The following LRP1 variants were observed in gnomAD, a reference collection of about 807,000 sequenced individuals.
LRP1 encodes the protein prolow-density lipoprotein receptor-related protein 1.
A neutral mutation model predicts 541.5 loss-of-function variants in LRP1; 51 were observed. The ratio of observed to expected loss-of-function variants is 0.09; its 90% CI spans 0.08 to 0.12. The LOEUF (loss-of-function observed/expected upper bound fraction) is 0.12. Ranked by LOEUF, LRP1 falls within the 10% of genes least tolerant of loss-of-function variation. LRP1 has a pLI of 1.00. For missense variants in LRP1, 3,878 were observed against 6,376.2 expected, an observed-to-expected ratio of 0.61 and a Z score of 13.34; for synonymous variants, 2,219 against 2,470.8, an observed-to-expected ratio of 0.90 and a Z score of 3.02.
At chr12:57,150,390 A>G (rs2035504797) in intron 6 of LRP1, among the ~76,000 whole-genome samples, 1 of 151,968 alleles carries the variant, frequency 6.6e-6, no homozygotes. Flanking sequence ...ACAGAGTTTT[A>G]CCATGTTAGC....
At position 57,202,543 on chromosome 12, in the gene LRP1, T is replaced by TGGGGGGGC; in HGVS notation, c.10711+6_10711+7insGGGGGGGC. On this transcript the variant is annotated splice_region_variant and intron_variant, in intron 68 of 88. Transcript: ENST00000243077. ...CTCCGATGAAGAGAGCTGCAGTACG[T>TGGGGGGGC]CCCCACCCACCCAGCCCCGCATGAG... 3.9e-6 allele frequency: 6 copies of TGGGGGGGC among 1,523,598 alleles called. No homozygotes were observed. The highest frequency in any genetic ancestry group is 5.3e-6 in the Non-Finnish European group (6 of 1,124,778). 94.4% of individuals were successfully genotyped at this position (1,523,598 alleles called of 1,614,324 possible). A position where few individuals can be genotyped will look rare whatever the true frequency, so the allele number is the denominator to read the frequency against.
In LRP1 at chr12:57,180,741, G is replaced by A. The variant is rs759012805; in HGVS notation, c.5461G>A (p.Val1821Met). Residue 1821 changes from valine to methionine, a missense_variant, in exon 33 of 89, where the codon GTG (valine) becomes ATG (methionine). Transcript: ENST00000243077. Reference protein sequence around the residue: ...TCSKADGSGSVVLRNSTTLVM... With the variant: ...TCSKADGSGSMVLRNSTTLVM... ...CAGCAAGGCTGACGGCTCGGGCTCC[G>A]TGGTCCTTCGGAACAGCACCACCCT... 18 of 1,613,948 alleles carry A rather than the reference G, an allele frequency of 1.1e-5. No individual in the cohort carries two copies. Among genetic ancestry groups the A allele is most frequent in the South Asian group, 5.5e-5 (5 of 91,092 alleles).
rs558649900 is a variant in LRP1 at position 57,211,245 on chromosome 12, G to A, written c.12986G>A (p.Arg4329His). 8 of 1,614,186 alleles carry A rather than the reference G, an allele frequency of 5.0e-6. No individual in the cohort carries two copies. The highest frequency in any genetic ancestry group is 2.2e-5 in the East Asian group (1 of 44,886). The change falls in exon 84 of 89, where the codon CGC (arginine) becomes CAC (histidine). Residue 4329 changes from arginine to histidine, a missense_variant. This residue lies in a region of LRP1 where 871 missense variants were observed against 1,212.4 expected (regional missense o/e 0.72). Coordinates refer to ENST00000243077, the MANE Select transcript of LRP1 (RefSeq NM_002332.3). The surrounding 1 kb of genome is among the most constrained non-coding windows in gnomAD (Gnocchi z 4.3). ...GCTGCTGATGGCTCCCGACAATGCC[G>A]CTGCACTGCCTACTTTGAGGGATCG... The part of the protein sequence containing the change: ...QMAADGSRQC[R>H]CTAYFEGSRC...
chr12:57,159,707 C>T (rs1429992697), intron 11 of LRP1, 118 bp from the exon 12 acceptor site: 7 of 943,118 alleles, frequency 7.4e-6, no homozygotes, highest in Non-Finnish European at 5.0e-6. Flanking sequence ...CCCAGAGGGT[C>T]CCTGCACCCC....
rs1450023299 is a variant in LRP1 at position 57,199,897 on chromosome 12, G to A, written c.9886G>A (p.Val3296Ile). 2.5e-6 allele frequency: 4 copies of A among 1,594,132 alleles called. No homozygotes were observed. Among genetic ancestry groups the A allele is most frequent in the Middle Eastern group, 1.7e-4 (1 of 6,016 alleles). ...QPDVPNHPCK[V>I]NNGGCSNLCL... ...GGCAGTGCCCAATCACCCCTGCAAG[G>A]TCAACAATGGTGGCTGCAGCAACCT... is the stretch of plus-strand genomic sequence containing the variant. Residue 3296 changes from valine to isoleucine, a missense_variant, in exon 62 of 89, where the codon GTC (valine) becomes ATC (isoleucine). Physicochemically the swap from Val to Ile is conservative, Grantham distance 29 (BLOSUM62 3). Coordinates refer to ENST00000243077, the MANE Select transcript of LRP1 (RefSeq NM_002332.3).
intron 6 of LRP1, among the ~76,000 whole-genome samples, chr12:57,145,925 A>G (rs2035396750): frequency 6.6e-6 from 1 of 152,136 alleles, no homozygotes; most frequent in Non-Finnish European, 1.5e-5. Context: ...TCCATGGGCC[A>G]TCGTTTCCCT....
chr12:57,157,049 C>A (rs2035636173), intron 10 of LRP1, 129 bp downstream of exon 10: 5 of 1,158,830 alleles, frequency 4.3e-6, no homozygotes, highest in Non-Finnish European at 5.8e-6. Flanking sequence ...AGTGTACCTG[C>A]TAGTGAGGGC....
chr12:57,210,512 T>C, intron 82 of LRP1, 32 bp downstream of exon 82: 1 of 1,516,756 alleles, frequency 6.6e-7, no homozygotes, highest in Non-Finnish European at 8.8e-7. Context: ...CGCCTGCTCC[T>C]TGCCCCTGGG....
At position 57,199,406 on chromosome 12, in the gene LRP1, C is replaced by T. The variant is rs1183545789; in HGVS notation, c.9865+6C>T. 1.2e-6 allele frequency: 2 copies of T among 1,606,222 alleles called. No individual in the cohort carries two copies. Among genetic ancestry groups the T allele is most frequent in the South Asian group, 1.1e-5 (1 of 90,690 alleles). Reference sequence around the variant, plus strand: ...TGCCCTGCGCCAGCCAGACGGTGAGCAGGCAAGGGGTGGGAGCAGGCGAAC... The same window carrying T: ...TGCCCTGCGCCAGCCAGACGGTGAGTAGGCAAGGGGTGGGAGCAGGCGAAC... On this transcript the variant is annotated splice_donor_region_variant and intron_variant, in intron 61 of 88. Transcript: ENST00000243077.
chr12:57,209,980 C>T, intron 80 of LRP1, 49 bp from the exon 81 acceptor site: 1 of 1,584,952 alleles, frequency 6.3e-7, no homozygotes, highest in Non-Finnish European at 8.6e-7. Flanking sequence ...TCACAGGGCT[C>T]AGAGAAGGGT....
At position 57,173,747 on chromosome 12, in the gene LRP1, G is replaced by A; in HGVS notation, c.3347-33G>A. ...AGGGCAGGGGGAGCCCCAGTCCCCG[G>A]GCCTGGGCCCTCATAGTGCACCTGT... On this transcript the variant is annotated intron_variant, in intron 21 of 88. Transcript: ENST00000243077. This position sits in a 1 kb window ranked among gnomAD's most constrained non-coding sequence, Gnocchi z 4.7. The A allele has an allele frequency of 6.2e-7, 1 of 1,611,716 alleles. No homozygotes were observed. Among genetic ancestry groups the A allele is most frequent in the African/African-American group, 1.3e-5 (1 of 75,018 alleles).
intron 64 of LRP1, 53 bp downstream of exon 64, chr12:57,200,868 A>G: frequency 9.6e-7 from 1 of 1,039,880 alleles, no homozygotes; most frequent in South Asian, 1.3e-5. Context: ...TCCCTGCCCC[A>G]GGATTTGGGG....
In LRP1 at chr12:57,189,836, T is replaced by TC. The variant is rs1212222189; in HGVS notation, c.7032-965dup. 1.3e-5 allele frequency among the ~76,000 whole-genome samples: 2 copies of TC among 151,366 alleles called. No homozygotes were observed. Among genetic ancestry groups the TC allele is most frequent in the Non-Finnish European group, 2.9e-5 (2 of 67,820 alleles). On this transcript the variant is annotated intron_variant, in intron 42 of 88. Transcript: ENST00000243077. The surrounding 1 kb of genome is among the most constrained non-coding windows in gnomAD (Gnocchi z 4.4). ...CGCCTAGGAGCAAGAGAATGTGGAG[T>TC]CCCCTGCCCCGCCCTGGGCCTAGCT...
chr12:57,180,170 C>T, intron 31 of LRP1, 29 bp downstream of exon 31: 2 of 1,604,090 alleles, frequency 1.2e-6, no homozygotes, highest in African/African-American at 2.7e-5. Flanking sequence ...ACCCCCACAG[C>T]CCCTCCCTAA....
chr12:57,197,640 G>A lies in LRP1; in HGVS notation c.9258G>A (p.Met3086Ile), dbSNP rs773018528. ...VTTQGSMIRRMHLNGSNVQVL... is the reference protein window; with the variant it reads ...VTTQGSMIRRIHLNGSNVQVL... ...CCCAGGGCAGCATGATCCGAAGGAT[G>A]CACCTTAACGGGAGCAATGTGCAGG... Residue 3086 changes from methionine to isoleucine, a missense_variant, in exon 58 of 89, where the codon ATG (methionine) becomes ATA (isoleucine). Physicochemically the swap from Met to Ile is conservative, Grantham distance 10. Transcript: ENST00000243077. The surrounding 1 kb of genome is among the most constrained non-coding windows in gnomAD (Gnocchi z 4.5). 2.5e-6 allele frequency: 4 copies of A among 1,614,042 alleles called. No individual in the cohort carries two copies. In the South Asian group the frequency reaches 4.4e-5, roughly 18 times the overall value.
At chr12:57,207,880 G>GA (rs1179885788) in intron 76 of LRP1, among the ~76,000 whole-genome samples, 158 bp from the exon 77 acceptor site, 2 of 152,228 alleles carry the variant, frequency 1.3e-5, no homozygotes, top group Non-Finnish European at 1.5e-5. Flanking sequence ...TGAGAGCTGC[G>GA]AGTCTGGCGC....
intron 20 of LRP1, 52 bp downstream of exon 20, chr12:57,169,359 G>A (rs1342590610): frequency 3.9e-5 from 59 of 1,507,402 alleles, no homozygotes; most frequent in Non-Finnish European, 5.0e-5. Flanking sequence ...CCCTGCATCA[G>A]ACACCCAGCC....
chr12:57,195,807 G>T, intron 53 of LRP1, 27 bp downstream of exon 53: 1 of 1,614,098 alleles, frequency 6.2e-7, no homozygotes, highest in Non-Finnish European at 8.5e-7. Context: ...GGTGGGAGGA[G>T]GCCCTGCCCT....
chr12:57,151,875 T>C (rs1463106780), intron 6 of LRP1, among the ~76,000 whole-genome samples: 2 of 152,066 alleles, frequency 1.3e-5, no homozygotes, highest in East Asian at 3.9e-4. Flanking sequence ...AAAAATAATG[T>C]GGTGCAGGGG....
Sources: allele counts gnomAD v4.1 joint callset (sites outside exome capture counted in the v4.1 genomes callset), GRCh38; gene constraint gnomAD v4.1.1; regional missense constraint gnomAD v4.1.1; non-coding constraint Gnocchi (gnomAD v3.1); transcripts MANE v1.5; gene names NCBI Gene and HGNC (gene_info 2026-07-23, HGNC 2026-07-21).